The following TRAPPC11 variants were observed in gnomAD, a reference collection of about 807,000 sequenced individuals.
The protein encoded by TRAPPC11 is trafficking protein particle complex subunit 11, also known as foie gras homolog.
In TRAPPC11, 104 loss-of-function variants were observed where a neutral mutation model predicts 151.2. That is an observed-to-expected ratio of 0.69 (90% confidence interval 0.59 to 0.81). The LOEUF is 0.81. TRAPPC11 is among the 30% of genes least tolerant of loss of function. TRAPPC11 has a pLI of 0.00. For missense variants in TRAPPC11, 1,230 were observed against 1,349.6 expected, an observed-to-expected ratio of 0.91 and a Z score of 1.39; for synonymous variants, 456 against 472.3, an observed-to-expected ratio of 0.97 and a Z score of 0.45.
At chr4:183,696,249 T>G (rs1579210819) in intron 23 of TRAPPC11, among the ~76,000 whole-genome samples, 1 of 152,186 alleles carries the variant, frequency 6.6e-6, no homozygotes, top group South Asian at 2.1e-4. Flanking sequence ...CTAGTAAATA[T>G]GTATTGAGCC....
chr4:183,678,014 C>T (rs1417604588), intron 8 of TRAPPC11, among the ~76,000 whole-genome samples: 4 of 150,546 alleles, frequency 2.7e-5, no homozygotes, highest in Admixed American at 1.3e-4. Context: ...TCTCGGCTCA[C>T]TGGAACCTCT....
chr4:183,684,727 AGT>A lies in TRAPPC11; in HGVS notation c.1455_1456del (p.Ser485ArgfsTer37). Reference sequence around the variant, plus strand: ...GGATTATGTGATGTGTGATTATCGGAGTGAAGGATGGTGGACTCTGCTCACTT... The same window carrying A: ...GGATTATGTGATGTGTGATTATCGGAGAAGGATGGTGGACTCTGCTCACTT... ...LLDYVMCDYR[S>X]EGWWTLLTSV... On this transcript the variant is annotated frameshift_variant, in exon 15 of 30. Transcript: ENST00000334690. LOFTEE classifies it high-confidence loss of function. 2 of 1,613,932 alleles carry A rather than the reference AGT, an allele frequency of 1.2e-6. No individual in the cohort carries two copies. Among genetic ancestry groups the A allele is most frequent in the African/African-American group, 1.3e-5 (1 of 75,012 alleles).
intron 2 of TRAPPC11, among the ~76,000 whole-genome samples, chr4:183,664,574 A>G (rs1734744493): frequency 6.6e-6 from 1 of 152,216 alleles, no homozygotes; most frequent in South Asian, 2.1e-4. Context: ...CGGAATGAAG[A>G]AAGGTATTAA....
chr4:183,686,730 T>C lies in TRAPPC11; in HGVS notation c.1875T>C (p.Cys625=). The C allele has an allele frequency of 2.5e-6, 4 of 1,614,130 alleles. No individual in the cohort carries two copies. The highest frequency in any genetic ancestry group is 3.4e-6 in the Non-Finnish European group (4 of 1,179,992). The change falls in exon 18 of 30, where the codon TGT becomes TGC. Residue 625 remains cysteine, a synonymous_variant. Coordinates refer to ENST00000334690, the MANE Select transcript of TRAPPC11 (RefSeq NM_021942.6). ...ATCCCATTAGGTTTTCCAAGCTCTG[T>C]GTCAGCTTTAATAATCAGGTAATGA... ...CPHPIRFSKL[C]VSFNNQEYNQ...
chr4:183,672,960 ATTTTTTTT>A (rs35637688), intron 5 of TRAPPC11, among the ~76,000 whole-genome samples: 1 of 131,022 alleles, frequency 7.6e-6, no homozygotes, highest in Non-Finnish European at 1.6e-5. Flanking sequence ...CCGTTCGCAA[ATTTTTTTT>A]TTTTTTTTTT....
chr4:183,689,391 T>G (rs750651446), intron 18 of TRAPPC11, among the ~76,000 whole-genome samples: 8 of 152,038 alleles, frequency 5.3e-5, no homozygotes, highest in Non-Finnish European at 1.0e-4. Flanking sequence ...CTTTTCTCAC[T>G]TAAAAGCATC....
chr4:183,683,572 T>C (rs1735805072), intron 11 of TRAPPC11, among the ~76,000 whole-genome samples: 2 of 151,906 alleles, frequency 1.3e-5, no homozygotes, highest in South Asian at 4.1e-4. Flanking sequence ...TGAGATGGGA[T>C]GATCGCTTGA....
intron 5 of TRAPPC11, among the ~76,000 whole-genome samples, chr4:183,668,908 TCG>T (rs1735012545): frequency 6.6e-6 from 1 of 152,234 alleles, no homozygotes; most frequent in African/African-American, 2.4e-5. Context: ...TAAGTGTCCT[TCG>T]TTAACTCATG....
At chr4:183,663,717 T>C (rs1005736478) in intron 1 of TRAPPC11, 130 bp from the exon 2 acceptor site, 1 of 619,772 alleles carries the variant, frequency 1.6e-6, no homozygotes, top group African/African-American at 1.9e-5. Context: ...GATTCATATA[T>C]TGGAAATGAA....
intron 18 of TRAPPC11, among the ~76,000 whole-genome samples, chr4:183,689,602 T>G (rs1245622248): frequency 6.6e-6 from 1 of 151,406 alleles, no homozygotes; most frequent in Non-Finnish European, 1.5e-5. Flanking sequence ...TTTTGTTCAT[T>G]ATGAAATTAG....
intron 20 of TRAPPC11, 51 bp from the exon 21 acceptor site, chr4:183,693,537 AT>A (rs1736365853): frequency 6.4e-7 from 1 of 1,554,708 alleles, no homozygotes; most frequent in Non-Finnish European, 8.7e-7. Flanking sequence ...TATTTGAATA[AT>A]TTATTTGCTT....
At position 183,663,931 on chromosome 4, in the gene TRAPPC11, C is replaced by CT. The variant is rs1215042812; in HGVS notation, c.65dup (p.Thr23AsnfsTer8). On this transcript the variant is annotated frameshift_variant, in exon 2 of 30. Transcript: ENST00000334690. LOFTEE classifies it high-confidence loss of function. ...TTGCCGGCCTATGGCCTTTGTTACT[C>CT]TAACGGGCCTGGATGTAGTTTATAA... 3 of 1,614,150 alleles carry CT rather than the reference C, an allele frequency of 1.9e-6. No homozygotes were observed. The highest frequency in any genetic ancestry group is 2.7e-5 in the African/African-American group (2 of 75,034).
chr4:183,661,611 T>A (rs893615300), intron 1 of TRAPPC11, among the ~76,000 whole-genome samples: 9 of 151,444 alleles, frequency 5.9e-5, no homozygotes, highest in South Asian at 2.1e-4. Flanking sequence ...GACCTTGTGA[T>A]CCGCCCGCCT....
rs139755318 is a variant in TRAPPC11 at position 183,709,786 on chromosome 4, A to G, written c.3357+1212A>G. On this transcript the variant is annotated intron_variant, in intron 29 of 29. Transcript: ENST00000334690. The stretch of plus-strand genomic sequence containing the variant: ...CGAGACACTGTCTCAAAATAAATAA[A>G]TAACTTGTAAAAGAAAAATCTCATA... Among the ~76,000 whole-genome samples, 509 of 152,292 alleles carry G rather than the reference A, an allele frequency of 3.3e-3. 2 individuals carry two copies. The highest frequency in any genetic ancestry group is 6.2e-3 in the Non-Finnish European group (420 of 68,026).
chr4:183,660,673 C>T (rs1315271062), intron 1 of TRAPPC11, among the ~76,000 whole-genome samples: 1 of 151,970 alleles, frequency 6.6e-6, no homozygotes, highest in Non-Finnish European at 1.5e-5. Context: ...TAGACTCGTT[C>T]ATATTAAGCA....
At chr4:183,661,361 C>CTTTTTTTT (rs139201416) in intron 1 of TRAPPC11, among the ~76,000 whole-genome samples, 13 of 79,392 alleles carry the variant, frequency 1.6e-4, no homozygotes, top group South Asian at 4.6e-4. Context: ...TGTAGATTAC[C>CTTTTTTTT]TTTTTTTTTT....
At chr4:183,680,679 C>CTTTTTTTTTTTTT (rs71589581) in intron 10 of TRAPPC11, among the ~76,000 whole-genome samples, 5 of 82,964 alleles carry the variant, frequency 6.0e-5, no homozygotes, top group East Asian at 4.1e-4. Context: ...TATGGAGACT[C>CTTTTTTTTTTTTT]TTTTTTTTTT....
chr4:183,668,179 C>A, intron 5 of TRAPPC11, 62 bp downstream of exon 5: 1 of 897,340 alleles, frequency 1.1e-6, no homozygotes. Flanking sequence ...AAATTGGTAG[C>A]TTAGACCCAT....
chr4:183,674,834 TAGA>T, intron 6 of TRAPPC11, 22 bp downstream of exon 6: 2 of 1,388,474 alleles, frequency 1.4e-6, no homozygotes, highest in Non-Finnish European at 1.0e-6. Flanking sequence ...TTTGCAATAA[TAGA>T]AGCATTCTGG....
Sources: allele counts gnomAD v4.1 joint callset (sites outside exome capture counted in the v4.1 genomes callset), GRCh38; gene constraint gnomAD v4.1.1; transcripts MANE v1.5; gene names NCBI Gene and HGNC (gene_info 2026-07-23, HGNC 2026-07-21).